The following FMN2 variants were observed in gnomAD, a reference collection of about 807,000 sequenced individuals.
The protein encoded by FMN2 is formin 2.
In FMN2, 51 loss-of-function variants were observed where a neutral mutation model predicts 142.3. The ratio of observed to expected loss-of-function variants is 0.36; its 90% CI spans 0.29 to 0.45. The LOEUF (loss-of-function observed/expected upper bound fraction) is 0.45. Among genes scored for constraint, FMN2 ranks in the 20% least tolerant of loss-of-function variants. The pLI is 1.00. For missense variants in FMN2, 1,936 were observed against 2,122.8 expected (o/e 0.91, Z 1.73); for synonymous variants, 882 against 869.8 (o/e 1.01, Z -0.25).
intron 8 of FMN2, among the ~76,000 whole-genome samples, chr1:240,297,396 A>C (rs1021421400): frequency 4.0e-5 from 6 of 151,792 alleles, no homozygotes; most frequent in Non-Finnish European, 7.4e-5. Context: ...GAGTTCGAGA[A>C]CAGCCTGGCC....
intron 15 of FMN2, chr1:240,401,142 A>G (rs1673974056): frequency 6.6e-6 from 1 of 150,574 alleles, no homozygotes; most frequent in Non-Finnish European, 1.5e-5. Flanking sequence ...AAAAAAAAAC[A>G]TAGACATGCA....
intron 15 of FMN2, among the ~76,000 whole-genome samples, chr1:240,393,710 AAAAAGTTCTTGAAGGAAATT>A (rs1287030302): frequency 1.3e-5 from 2 of 152,258 alleles, no homozygotes; most frequent in African/African-American, 4.8e-5. Context: ...GAATGCAAAG[AAAAAGTTCTTGAAGGAAATT>A]AAAAGTCTAT....
At chr1:240,325,728 T>C (rs754677174) in intron 8 of FMN2, among the ~76,000 whole-genome samples, 4 of 152,178 alleles carry the variant, frequency 2.6e-5, no homozygotes, top group Non-Finnish European at 5.9e-5. Flanking sequence ...TTGCAGTCCA[T>C]TTAGTACCAT....
chr1:240,330,060 A>C (rs1671327253), intron 10 of FMN2, among the ~76,000 whole-genome samples: 1 of 152,234 alleles, frequency 6.6e-6, no homozygotes, highest in Non-Finnish European at 1.5e-5. Flanking sequence ...TCACATTTTC[A>C]GAAGAAGTGA....
intron 3 of FMN2, among the ~76,000 whole-genome samples, chr1:240,188,002 T>A (rs1665551214): frequency 6.6e-6 from 1 of 152,192 alleles, no homozygotes; most frequent in Non-Finnish European, 1.5e-5. Context: ...TTTTTAAAAA[T>A]GACATGAGCA....
intron 2 of FMN2, among the ~76,000 whole-genome samples, chr1:240,147,786 A>C (rs190022922): frequency 1.4e-4 from 22 of 152,312 alleles, no homozygotes; most frequent in Admixed American, 7.8e-4. Context: ...CGGCAGCTTC[A>C]TCTTATGCTA....
chr1:240,428,447 A>C (rs1675033543), intron 15 of FMN2, among the ~76,000 whole-genome samples: 1 of 151,718 alleles, frequency 6.6e-6, no homozygotes, highest in African/African-American at 2.4e-5. Context: ...GGCTGGTCTC[A>C]AACTCCTGGC....
chr1:240,186,742 C>T (rs1417613876), intron 3 of FMN2, among the ~76,000 whole-genome samples: 1 of 152,046 alleles, frequency 6.6e-6, no homozygotes, highest in Non-Finnish European at 1.5e-5. Context: ...GCCTGGTGAG[C>T]AAGTTGGGAC....
At chr1:240,178,233 T>A in intron 3 of FMN2, 165 bp downstream of exon 3, 1 of 756,104 alleles carries the variant, frequency 1.3e-6, no homozygotes, top group Admixed American at 3.8e-5. Context: ...CTTTGTTCCT[T>A]TTGTTGTCTT....
intron 15 of FMN2, among the ~76,000 whole-genome samples, chr1:240,408,999 G>A (rs1674305150): frequency 6.6e-6 from 1 of 152,032 alleles, no homozygotes; most frequent in South Asian, 2.1e-4. Context: ...TATGCTCCTG[G>A]TTAGACATGC....
At chr1:240,438,310 A>G (rs939899030) in intron 16 of FMN2, 100 bp downstream of exon 16, 16 of 1,287,478 alleles carry the variant, frequency 1.2e-5, no homozygotes, top group Middle Eastern at 2.6e-4. Context: ...AAAAAATTAG[A>G]TGGCCCTCAA....
chr1:240,301,543 C>T (rs1377342571), intron 8 of FMN2, among the ~76,000 whole-genome samples: 1 of 151,784 alleles, frequency 6.6e-6, no homozygotes, highest in African/African-American at 2.4e-5. Flanking sequence ...TTTGAAAACA[C>T]ATCTTTTCAG....
rs544453617 is a variant in FMN2, at chr1:240,158,249, T to G, written c.1783-19672T>G. On this transcript the variant is annotated intron_variant, in intron 2 of 17. Transcript: ENST00000319653. ...AAACCAAAAAGAAAACCACTGGTTT[T>G]CAAGGCCTCAGAGCATAAGCTTTGT... Among the ~76,000 whole-genome samples, 16 of 152,276 alleles carry G rather than the reference T, an allele frequency of 1.1e-4. No individual in the cohort carries two copies. The East Asian group carries it at 2.7e-3, about 26-fold the overall frequency.
intron 11 of FMN2, among the ~76,000 whole-genome samples, chr1:240,332,010 G>A (rs1196741989): frequency 1.3e-5 from 2 of 152,060 alleles, no homozygotes; most frequent in Non-Finnish European, 2.9e-5. Context: ...ATGAAGCATC[G>A]GGAGTCGGAG....
intron 6 of FMN2, among the ~76,000 whole-genome samples, chr1:240,249,314 A>G (rs529398741): frequency 3.3e-5 from 5 of 152,180 alleles, no homozygotes; most frequent in Non-Finnish European, 7.4e-5. Flanking sequence ...TGTTCTGCAT[A>G]TAGATATCCA....
At chr1:240,452,660 G>A (rs899352925) in intron 16 of FMN2, among the ~76,000 whole-genome samples, 1 of 151,842 alleles carries the variant, frequency 6.6e-6, no homozygotes, top group Non-Finnish European at 1.5e-5. Flanking sequence ...ATAAAATGAG[G>A]CATAAAAAGG....
intron 2 of FMN2, among the ~76,000 whole-genome samples, chr1:240,159,884 G>GAT (rs1391108352): frequency 5.0e-4 from 67 of 132,990 alleles, no homozygotes; most frequent in African/African-American, 1.2e-3. Context: ...CATACATGGA[G>GAT]AGATATATAT....
intron 1 of FMN2, among the ~76,000 whole-genome samples, chr1:240,110,234 T>C (rs1302092596): frequency 6.6e-6 from 1 of 152,096 alleles, no homozygotes; most frequent in African/African-American, 2.4e-5. Flanking sequence ...GAGAGCAGAG[T>C]GTGCCTCCAG....
chr1:240,363,381 A>G (rs1572232781), intron 14 of FMN2, among the ~76,000 whole-genome samples: 1 of 152,234 alleles, frequency 6.6e-6, no homozygotes, highest in East Asian at 1.9e-4. Flanking sequence ...AGATTTTTAA[A>G]TTTTAATGAA....
Sources: gnomAD v4.1 joint callset for allele counts (sites outside exome capture counted in the v4.1 genomes callset) on GRCh38, gnomAD v4.1.1 for gene constraint, MANE v1.5 for transcripts, NCBI Gene and HGNC (gene_info 2026-07-23, HGNC 2026-07-21) for gene names.